Variants in SESTD1 observed in about 807,000 individuals in gnomAD.
SESTD1 encodes SEC14 and spectrin domain containing 1.
SESTD1 carries 43 observed loss-of-function variants against 101.7 expected under a neutral mutation model. That is an observed-to-expected ratio of 0.42 (90% CI 0.33 to 0.55). SESTD1 has a LOEUF of 0.55. SESTD1 is among the 20% of genes least tolerant of loss of function. The pLI, the probability that SESTD1 is intolerant of heterozygous loss-of-function variation, is 0.07. For missense variants in SESTD1, 647 were observed against 815.1 expected (o/e 0.79, Z 2.51); for synonymous variants, 283 against 286.8 (o/e 0.99, Z 0.13).
Position 179,102,600 on chromosome 2 carries a change from C to A in SESTD1, c.*7299G>T, listed in dbSNP as rs2044294904. ...ACAGTAGAAGCCAAATTTCCCAGCC[C>A]TTAAAATTTTAATAGGAAAAATCGA... On this transcript the variant is annotated 3_prime_UTR_variant, in exon 18 of 18. Coordinates refer to ENST00000428443, the MANE Select transcript of SESTD1 (RefSeq NM_178123.5). 1 of 152,002 alleles carries A rather than the reference C, an allele frequency of 6.6e-6. No homozygotes were observed. Among genetic ancestry groups the A allele is most frequent in the Admixed American group, 6.6e-5 (1 of 15,242 alleles). The allele number at this position is 152,002 out of a possible 1,614,324, so 9.4% of individuals were successfully genotyped here.
chr2:179,102,993 T>G lies in SESTD1; in HGVS notation c.*6906A>C, dbSNP rs2044304625. On this transcript the variant is annotated 3_prime_UTR_variant, in exon 18 of 18. Coordinates refer to ENST00000428443, the MANE Select transcript of SESTD1 (RefSeq NM_178123.5). The stretch of plus-strand genomic sequence containing the variant: ...CTTACTAGCAATACATGCTTTCCAC[T>G]ACCCCCTCAACCTCATCACAGAAAT... 1 of 152,088 alleles carries G rather than the reference T, an allele frequency of 6.6e-6. No individual in the cohort carries two copies. The highest frequency in any genetic ancestry group is 1.5e-5 in the Non-Finnish European group (1 of 67,984). 9.4% of individuals were successfully genotyped at this position (152,088 alleles called of 1,614,324 possible).
chr2:179,217,573 T>G (rs1394102439), intron 1 of SESTD1, among the ~76,000 whole-genome samples: 1 of 152,196 alleles, frequency 6.6e-6, no homozygotes, highest in Admixed American at 6.5e-5. Context: ...GTGTGGTGAT[T>G]CCTCAAGGAT....
chr2:179,239,344 T>C (rs558740588), intron 1 of SESTD1, among the ~76,000 whole-genome samples: 2 of 152,146 alleles, frequency 1.3e-5, no homozygotes, highest in African/African-American at 4.8e-5. Context: ...AACCAGCTCA[T>C]AGTTCATATA....
In SESTD1 at chr2:179,109,802, G is replaced by T; in HGVS notation, c.*97C>A. ...CATGAAAAGAAATGAGACTTATTTT[G>T]GCTGTGAAATGCATCTTAAGGTGTG... On this transcript the variant is annotated 3_prime_UTR_variant, in exon 18 of 18. Coordinates refer to ENST00000428443, the MANE Select transcript of SESTD1 (RefSeq NM_178123.5). 1 of 1,432,586 alleles carries T rather than the reference G, an allele frequency of 7.0e-7. No individual in the cohort carries two copies. Among genetic ancestry groups the T allele is most frequent in the South Asian group, 1.4e-5 (1 of 72,046 alleles). The allele number at this position is 1,432,586 out of a possible 1,614,324, so 88.7% of individuals were successfully genotyped here. A position where few individuals can be genotyped will look rare whatever the true frequency, so the allele number is the denominator to read the frequency against.
rs1389753860 is a variant in SESTD1 at position 179,202,063 on chromosome 2, G to T, written c.-25-10197C>A. Among the ~76,000 whole-genome samples, 2 of 132,600 alleles carry T rather than the reference G, an allele frequency of 1.5e-5. 1 individual carries two copies. The highest frequency in any genetic ancestry group is 3.2e-5 in the Non-Finnish European group (2 of 62,220). 87.0% of individuals were successfully genotyped at this position (132,600 alleles called of 152,430 possible). On this transcript the variant is annotated intron_variant, in intron 1 of 17. Transcript: ENST00000428443. ...AAGGGAAATTTAGGAAAGGAATTTTGTATGTGATTAAGTTGGTTATAAATG... is the reference window on the plus strand; with the variant it reads ...AAGGGAAATTTAGGAAAGGAATTTTTTATGTGATTAAGTTGGTTATAAATG...
intron 9 of SESTD1, among the ~76,000 whole-genome samples, chr2:179,135,195 G>T (rs186853157): frequency 6.6e-6 from 1 of 151,878 alleles, no homozygotes; most frequent in South Asian, 2.1e-4. Context: ...CACCTGCCTC[G>T]GCCTCCCAAA....
chr2:179,115,751 AAAAC>A (rs1203442810), intron 15 of SESTD1, among the ~76,000 whole-genome samples: 3 of 152,106 alleles, frequency 2.0e-5, no homozygotes, highest in Non-Finnish European at 2.9e-5. Flanking sequence ...TTGTCTCAAA[AAAAC>A]AAAAATTGTT....
At chr2:179,148,904 C>T (rs1341645087) in intron 7 of SESTD1, among the ~76,000 whole-genome samples, 1 of 151,366 alleles carries the variant, frequency 6.6e-6, no homozygotes, top group Non-Finnish European at 1.5e-5. Flanking sequence ...ATTAAAAATA[C>T]AAAAAATTAG....
intron 5 of SESTD1, among the ~76,000 whole-genome samples, chr2:179,155,637 G>A (rs1006179096): frequency 6.6e-5 from 10 of 151,894 alleles, no homozygotes; most frequent in Non-Finnish European, 1.3e-4. Context: ...AAAACGTAAG[G>A]ATGGTCTTTT....
chr2:179,143,526 GTCA>G lies in SESTD1; in HGVS notation c.849+63_849+65del, dbSNP rs2045325625. On this transcript the variant is annotated intron_variant, in intron 9 of 17. Transcript: ENST00000428443. ...TATATAGTGTATATAAGACTTAATA[GTCA>G]GTCACATAGTAGAAATTATAAGGAA... The G allele has an allele frequency of 5.6e-5, 79 of 1,404,898 alleles. 1 individual carries two copies. Among genetic ancestry groups the G allele is most frequent in the Middle Eastern group, 1.9e-4 (1 of 5,312 alleles). The allele number at this position is 1,404,898 out of a possible 1,614,324, so 87.0% of individuals were successfully genotyped here. A position where few individuals can be genotyped will look rare whatever the true frequency, so the allele number is the denominator to read the frequency against.
intron 8 of SESTD1, among the ~76,000 whole-genome samples, chr2:179,144,352 T>C (rs2045350052): frequency 6.6e-6 from 1 of 152,068 alleles, no homozygotes; most frequent in African/African-American, 2.4e-5. Context: ...AAAGTTTTTA[T>C]TACAAGTACA....
chr2:179,124,288 A>G, intron 11 of SESTD1, 76 bp downstream of exon 11: 1 of 1,414,402 alleles, frequency 7.1e-7, no homozygotes, highest in Non-Finnish European at 9.6e-7. Flanking sequence ...GGAGGCATGC[A>G]AACCTGAAAA....
intron 1 of SESTD1, among the ~76,000 whole-genome samples, chr2:179,230,018 A>G (rs2046959355): frequency 6.6e-6 from 1 of 150,644 alleles, no homozygotes; most frequent in Non-Finnish European, 1.5e-5. Context: ...AAAATAAAAA[A>G]TAACGTTAGG....
At position 179,230,572 on chromosome 2, in the gene SESTD1, T is replaced by C. The variant is rs543784738; in HGVS notation, c.-26+33927A>G. Among the ~76,000 whole-genome samples the C allele has an allele frequency of 9.6e-4, 146 of 151,766 alleles. 1 individual carries two copies. Among genetic ancestry groups the C allele is most frequent in the African/African-American group, 3.2e-3 (132 of 41,382 alleles). On this transcript the variant is annotated intron_variant, in intron 1 of 17. Transcript: ENST00000428443. ...TGAGGACTAAATTCCTGCTCAAAAA[T>C]AGAGTAAAACCTTAATAAAAGGCAC...
intron 1 of SESTD1, among the ~76,000 whole-genome samples, chr2:179,195,281 G>A (rs1282190258): frequency 1.3e-5 from 2 of 152,198 alleles, no homozygotes; most frequent in Admixed American, 1.3e-4. Context: ...CTGTTCTTGT[G>A]ATAGTGAGTT....
chr2:179,180,923 G>C (rs781133581), intron 3 of SESTD1, among the ~76,000 whole-genome samples: 6 of 152,146 alleles, frequency 3.9e-5, no homozygotes, highest in Non-Finnish European at 8.8e-5. Flanking sequence ...AAAGCAGAAG[G>C]ATAGAGTTTT....
At chr2:179,244,144 G>T (rs1023854229) in intron 1 of SESTD1, among the ~76,000 whole-genome samples, 3 of 151,482 alleles carry the variant, frequency 2.0e-5, no homozygotes, top group African/African-American at 4.9e-5. Context: ...AAAACTGAAT[G>T]AATTAATTAA....
intron 1 of SESTD1, among the ~76,000 whole-genome samples, chr2:179,221,511 G>A (rs1167604510): frequency 6.6e-6 from 1 of 151,778 alleles, no homozygotes; most frequent in Admixed American, 6.6e-5. Flanking sequence ...TACTCGGGAG[G>A]CTGAGGCAGG....
intron 5 of SESTD1, 73 bp downstream of exon 5, chr2:179,172,047 C>A (rs916345558): frequency 2.9e-5 from 28 of 981,468 alleles, no homozygotes; most frequent in Non-Finnish European, 4.0e-5. Context: ...CAATGCTGAA[C>A]GGTCAAAAAT....
Sources: allele counts gnomAD v4.1 joint callset (sites outside exome capture counted in the v4.1 genomes callset), GRCh38; gene constraint gnomAD v4.1.1; transcripts MANE v1.5; gene names NCBI Gene and HGNC (gene_info 2026-07-23, HGNC 2026-07-21).